Variants in SUGCT observed in about 807,000 individuals in gnomAD.
SUGCT encodes the protein succinyl-CoA:glutarate CoA-transferase.
Under a neutral mutation model 55.0 loss-of-function variants are expected in SUGCT, and 41 were observed. That is an observed-to-expected ratio of 0.74 (90% CI 0.58 to 0.97). The LOEUF (loss-of-function observed/expected upper bound fraction) is 0.97. Ranked by LOEUF, SUGCT falls within the 50% of genes least tolerant of loss-of-function variation. SUGCT has a pLI of 0.00. For missense variants in SUGCT, 568 were observed against 547.8 expected, an observed-to-expected ratio of 1.04 and a Z score of -0.37; for synonymous variants, 187 against 200.4, an observed-to-expected ratio of 0.93 and a Z score of 0.56.
the SUGCT span, among the ~76,000 whole-genome samples, chr7:40,883,971 G>A: frequency 6.6e-6 from 1 of 152,036 alleles, no homozygotes; most frequent in Non-Finnish European, 1.5e-5. Context: ...GCAATGCCAA[G>A]TTTCTTCCAG....
At chr7:40,195,668 A>G (rs1011798814) in intron 6 of SUGCT, among the ~76,000 whole-genome samples, 1 of 134,648 alleles carries the variant, frequency 7.4e-6, no homozygotes, top group Admixed American at 7.5e-5. Context: ...AAATACTGTT[A>G]TTAACTCTTG....
At chr7:40,510,823 G>A (rs1048616774) in intron 12 of SUGCT, among the ~76,000 whole-genome samples, 5 of 152,076 alleles carry the variant, frequency 3.3e-5, no homozygotes, top group African/African-American at 1.2e-4. Context: ...AACTTAGAAG[G>A]CAGAAGAGAA....
At chr7:40,219,080 C>A (rs1281003602) in intron 6 of SUGCT, among the ~76,000 whole-genome samples, 1 of 152,144 alleles carries the variant, frequency 6.6e-6, no homozygotes, top group Non-Finnish European at 1.5e-5. Context: ...CTGAAGCCAG[C>A]GAGACCATGA....
At chr7:40,718,657 T>G (rs1314398219) in intron 12 of SUGCT, among the ~76,000 whole-genome samples, 3 of 152,346 alleles carry the variant, frequency 2.0e-5, no homozygotes, top group African/African-American at 7.2e-5. Flanking sequence ...CCATTTAATA[T>G]TACTACCAGC....
chr7:40,407,706 T>C (rs1208801500), intron 9 of SUGCT, among the ~76,000 whole-genome samples: 1 of 152,120 alleles, frequency 6.6e-6, no homozygotes, highest in African/African-American at 2.4e-5. Context: ...AGAAAGCTTT[T>C]CTTAGGAATG....
At chr7:40,584,908 T>C (rs1348864557) in intron 12 of SUGCT, among the ~76,000 whole-genome samples, 2 of 152,210 alleles carry the variant, frequency 1.3e-5, no homozygotes, top group Non-Finnish European at 2.9e-5. Context: ...GACATTCTTG[T>C]GTAAATGGAA....
chr7:40,293,608 C>T (rs1186792138), intron 8 of SUGCT, among the ~76,000 whole-genome samples: 2 of 152,184 alleles, frequency 1.3e-5, no homozygotes, highest in Admixed American at 6.5e-5. Flanking sequence ...CAGTCTGGGG[C>T]AGGATTCAGG....
chr7:40,942,180 G>T, the SUGCT span, among the ~76,000 whole-genome samples: 1 of 152,064 alleles, frequency 6.6e-6, no homozygotes, highest in African/African-American at 2.4e-5. Context: ...CTTTCAAGAG[G>T]TTCTATTCTA....
chr7:40,564,095 C>T (rs548610008), intron 12 of SUGCT, among the ~76,000 whole-genome samples: 2 of 152,128 alleles, frequency 1.3e-5, no homozygotes, highest in South Asian at 2.1e-4. Context: ...ACGTCTTGGC[C>T]GGGCGCCATG....
At position 40,834,965 on chromosome 7, in the gene SUGCT, TA is replaced by T. The variant is rs542890454; in HGVS notation, c.1154-25340del. Among the ~76,000 whole-genome samples, 538 of 148,390 alleles carry T rather than the reference TA, an allele frequency of 3.6e-3. 1 individual carries two copies. Among genetic ancestry groups the T allele is most frequent in the Non-Finnish European group, 4.9e-3 (326 of 66,786 alleles). Reference sequence around the variant, plus strand: ...TTGTAAAATGGTGTCCTTTTTAAATTAAAAAAAAAAATTGGGACTTTTTAGT... The same window carrying T: ...TTGTAAAATGGTGTCCTTTTTAAATTAAAAAAAAAATTGGGACTTTTTAGT... On this transcript the variant is annotated intron_variant, in intron 13 of 13. Coordinates refer to ENST00000335693, the MANE Select transcript of SUGCT (RefSeq NM_001193313.2).
intron 13 of SUGCT, among the ~76,000 whole-genome samples, chr7:40,805,249 A>G (rs888098358): frequency 3.9e-5 from 6 of 152,244 alleles, no homozygotes; most frequent in African/African-American, 1.2e-4. Flanking sequence ...TTCTGGGTGT[A>G]CGCCATGCCC....
At chr7:40,928,669 G>A in the SUGCT span, among the ~76,000 whole-genome samples, 4 of 150,004 alleles carry the variant, frequency 2.7e-5, no homozygotes, top group Non-Finnish European at 3.0e-5. Context: ...GCGTGATCTC[G>A]GCTCACTACA....
chr7:40,761,391 C>G (rs139582240), intron 13 of SUGCT, among the ~76,000 whole-genome samples: 104 of 152,300 alleles, frequency 6.8e-4, no homozygotes, highest in African/African-American at 2.4e-3. Context: ...ATAGATAACA[C>G]TGTAACAGCT....
At chr7:40,304,369 C>T (rs1794723623) in intron 8 of SUGCT, among the ~76,000 whole-genome samples, 1 of 151,900 alleles carries the variant, frequency 6.6e-6, no homozygotes, top group Admixed American at 6.6e-5. Context: ...AACAGACTCA[C>T]CCCACTCCCT....
At chr7:40,933,127 G>T in the SUGCT span, among the ~76,000 whole-genome samples, 1 of 152,134 alleles carries the variant, frequency 6.6e-6, no homozygotes, top group Non-Finnish European at 1.5e-5. Flanking sequence ...AGGCAGGCCT[G>T]GTGGTGGCAA....
At position 40,233,535 on chromosome 7, in the gene SUGCT, C is replaced by T. The variant is rs966005808; in HGVS notation, c.485-4100C>T. Among the ~76,000 whole-genome samples, 11 of 152,090 alleles carry T rather than the reference C, an allele frequency of 7.2e-5. No homozygotes were observed. The South Asian group carries it at 1.0e-3, about 14-fold the overall frequency. ...TTATTATTATTATTGTCAGCTTCTT[C>T]GCTATTATGAACAAGTGCAAGATTC... is the stretch of plus-strand genomic sequence containing the variant. On this transcript the variant is annotated intron_variant, in intron 6 of 13. Coordinates refer to ENST00000335693, the MANE Select transcript of SUGCT (RefSeq NM_001193313.2).
At chr7:40,972,280 T>A in the SUGCT span, among the ~76,000 whole-genome samples, 2 of 152,230 alleles carry the variant, frequency 1.3e-5, no homozygotes, top group Non-Finnish European at 2.9e-5. Flanking sequence ...ACAGTTAATG[T>A]CCTTGTTTTT....
intron 9 of SUGCT, among the ~76,000 whole-genome samples, chr7:40,372,749 T>C (rs547627475): frequency 6.6e-6 from 1 of 152,164 alleles, no homozygotes; most frequent in South Asian, 2.1e-4. Context: ...GAATGTTCTC[T>C]AACAGAATGG....
At chr7:40,715,941 G>A (rs1018447377) in intron 12 of SUGCT, among the ~76,000 whole-genome samples, 3 of 152,084 alleles carry the variant, frequency 2.0e-5, no homozygotes, top group Admixed American at 6.5e-5. Context: ...ATTTTGTAGC[G>A]CTTGTTATTG....
Sources: allele counts gnomAD v4.1 joint callset (sites outside exome capture counted in the v4.1 genomes callset), GRCh38; gene constraint gnomAD v4.1.1; transcripts MANE v1.5; gene names NCBI Gene and HGNC (gene_info 2026-07-23, HGNC 2026-07-21).